The following GRIA4 variants were observed in gnomAD, a reference collection of about 807,000 sequenced individuals.
The protein encoded by GRIA4 is glutamate ionotropic receptor AMPA type subunit 4.
A neutral mutation model predicts 104.0 loss-of-function variants in GRIA4; 34 were observed. The observed-to-expected ratio is 0.33, with a 90% CI of 0.25 to 0.44. The LOEUF is 0.44. Among genes scored for constraint, GRIA4 ranks in the 20% least tolerant of loss-of-function variants. GRIA4 has a pLI of 1.00. For missense variants in GRIA4, 750 were observed against 1,096.5 expected, an observed-to-expected ratio of 0.68 and a Z score of 4.46; for synonymous variants, 386 against 381.9, an observed-to-expected ratio of 1.01 and a Z score of -0.13.
intron 11 of GRIA4, among the ~76,000 whole-genome samples, chr11:105,922,823 T>C (rs560851319): frequency 1.3e-5 from 2 of 152,258 alleles, no homozygotes; most frequent in East Asian, 3.9e-4. Flanking sequence ...GGCTGGGTCA[T>C]ACTAATAAAA....
intron 4 of GRIA4, among the ~76,000 whole-genome samples, chr11:105,823,434 C>T (rs373748863): frequency 6.6e-6 from 1 of 151,702 alleles, no homozygotes; most frequent in Non-Finnish European, 1.5e-5. Flanking sequence ...ATACAGAAAA[C>T]GGGACAAAAC....
At chr11:105,706,584 G>C (rs1393949239) in intron 3 of GRIA4, 1 of 153,814 alleles carries the variant, frequency 6.5e-6, no homozygotes, top group African/African-American at 2.4e-5. Flanking sequence ...TGTTCAAGAT[G>C]TTGCCAATAA....
rs1206118933 is a variant in GRIA4 at position 105,803,861 on chromosome 11, A to AAG, written c.487+50659_487+50660dup. 7.7e-3 allele frequency among the ~76,000 whole-genome samples: 1,137 copies of AAG among 146,942 alleles called. 25 individuals are homozygous for AAG. Among genetic ancestry groups the AAG allele is most frequent in the African/African-American group, 0.025 (984 of 39,142 alleles). Reference sequence around the variant, plus strand: ...TGCTATACCAAAAAAAAAAAAAAAAAAGAGAGAGAGAGAGAGAGAAGAGCC... The same window carrying AAG: ...TGCTATACCAAAAAAAAAAAAAAAAAAGAGAGAGAGAGAGAGAGAGAAGAGCC... On this transcript the variant is annotated intron_variant, in intron 4 of 16. Coordinates refer to ENST00000282499, the MANE Select transcript of GRIA4 (RefSeq NM_000829.4).
intron 3 of GRIA4, among the ~76,000 whole-genome samples, chr11:105,659,450 A>G (rs899337494): frequency 6.6e-6 from 1 of 151,936 alleles, no homozygotes; most frequent in Non-Finnish European, 1.5e-5. Flanking sequence ...GAATTGCCAC[A>G]GTTATTTGTG....
At chr11:105,624,757 A>C (rs994194123) in intron 3 of GRIA4, among the ~76,000 whole-genome samples, 3 of 151,960 alleles carry the variant, frequency 2.0e-5, no homozygotes, top group Non-Finnish European at 4.4e-5. Flanking sequence ...TCTTAATGGG[A>C]AGTCTGTTAA....
intron 4 of GRIA4, among the ~76,000 whole-genome samples, chr11:105,780,134 G>A (rs562122747): frequency 6.6e-5 from 10 of 152,098 alleles, no homozygotes; most frequent in African/African-American, 1.7e-4. Context: ...CCCTATTTTC[G>A]TTACCTAATG....
intron 4 of GRIA4, among the ~76,000 whole-genome samples, chr11:105,854,617 G>A (rs77520517): frequency 0.012 from 1,881 of 152,238 alleles, 24 homozygotes; most frequent in Middle Eastern, 0.031. Flanking sequence ...AAGAGGCTTG[G>A]GCCTGGGTGG....
chr11:105,617,981 G>T lies in GRIA4; in HGVS notation c.247+5547G>T, dbSNP rs115358758. Among the ~76,000 whole-genome samples the T allele has an allele frequency of 2.6e-3, 396 of 152,066 alleles. 1 individual carries two copies. The highest frequency in any genetic ancestry group is 9.1e-3 in the African/African-American group (377 of 41,494). On this transcript the variant is annotated intron_variant, in intron 3 of 16. Coordinates refer to ENST00000282499, the MANE Select transcript of GRIA4 (RefSeq NM_000829.4). ...GGCATGGCATCCTAAGGATGATATT[G>T]CCTGATCTGGGTGTTAAGATCTAGT... is the stretch of plus-strand genomic sequence containing the variant.
At chr11:105,817,756 CTAAT>C (rs1487209698) in intron 4 of GRIA4, among the ~76,000 whole-genome samples, 1 of 152,016 alleles carries the variant, frequency 6.6e-6, no homozygotes, top group Non-Finnish European at 1.5e-5. Context: ...CTTGTGCCTT[CTAAT>C]TAATCTTACA....
chr11:105,759,217 A>C (rs1001179245), intron 4 of GRIA4, among the ~76,000 whole-genome samples: 1 of 152,130 alleles, frequency 6.6e-6, no homozygotes, highest in Non-Finnish European at 1.5e-5. Context: ...CTTAAACTCT[A>C]ATAAATATTT....
intron 4 of GRIA4, among the ~76,000 whole-genome samples, chr11:105,783,431 A>T (rs1565232673): frequency 6.6e-6 from 1 of 152,196 alleles, no homozygotes; most frequent in Non-Finnish European, 1.5e-5. Flanking sequence ...CCAATTGCAC[A>T]CAGATAGATC....
At chr11:105,699,448 C>T (rs754072518) in intron 3 of GRIA4, among the ~76,000 whole-genome samples, 22 of 152,256 alleles carry the variant, frequency 1.4e-4, no homozygotes, top group South Asian at 2.1e-4. Flanking sequence ...CATCTGGAGA[C>T]GGCTGCAACA....
rs139519973 is a variant in GRIA4, at chr11:105,979,667, A to G, written c.2637A>G (p.Pro879=). 27 of 1,613,554 alleles carry G rather than the reference A, an allele frequency of 1.7e-5. No homozygotes were observed. Among genetic ancestry groups the G allele is most frequent in the African/African-American group, 1.6e-4 (12 of 74,932 alleles). ...ENGRVLTPDC[P]KAVHTGTAIR... The stretch of plus-strand genomic sequence containing the variant: ...GCCGCGTCTTGACGCCTGACTGCCC[A>G]AAGGCTGTACACACTGGAACTGCAA... Residue 879 remains proline (P), a synonymous_variant, in exon 17 of 17, where the codon CCA becomes CCG. Coordinates refer to ENST00000282499, the MANE Select transcript of GRIA4 (RefSeq NM_000829.4).
intron 5 of GRIA4, among the ~76,000 whole-genome samples, chr11:105,872,353 T>C (rs953481702): frequency 6.6e-6 from 1 of 152,030 alleles, no homozygotes; most frequent in East Asian, 1.9e-4. Context: ...GGGGCTAGGG[T>C]GAGAACATCA....
At chr11:105,900,900 A>G (rs1946831103) in intron 7 of GRIA4, among the ~76,000 whole-genome samples, 1 of 152,206 alleles carries the variant, frequency 6.6e-6, no homozygotes, top group Admixed American at 6.5e-5. Flanking sequence ...TTGATACCAC[A>G]GCAGGGTGAT....
At chr11:105,788,722 A>G (rs1942083631) in intron 4 of GRIA4, among the ~76,000 whole-genome samples, 2 of 152,132 alleles carry the variant, frequency 1.3e-5, no homozygotes, top group Non-Finnish European at 2.9e-5. Context: ...GATGGAAACA[A>G]CAGACACTGG....
At chr11:105,937,366 A>G (rs1379362219) in intron 14 of GRIA4, among the ~76,000 whole-genome samples, 1 of 152,190 alleles carries the variant, frequency 6.6e-6, no homozygotes, top group Non-Finnish European at 1.5e-5. Flanking sequence ...TCAAAATACT[A>G]TCAACTTTGC....
chr11:105,805,886 G>C (rs542178196), intron 4 of GRIA4, among the ~76,000 whole-genome samples: 12 of 151,912 alleles, frequency 7.9e-5, no homozygotes, highest in African/African-American at 2.9e-4. Flanking sequence ...GGCCTAACTG[G>C]AAACGAAGGG....
At chr11:105,721,524 ATATTC>A in intron 3 of GRIA4, among the ~76,000 whole-genome samples, 2 of 152,184 alleles carry the variant, frequency 1.3e-5, no homozygotes, top group African/African-American at 4.8e-5. Flanking sequence ...ATACTAAAGG[ATATTC>A]TATAATTGGA....
Sources: allele counts gnomAD v4.1 joint callset (sites outside exome capture counted in the v4.1 genomes callset), GRCh38; gene constraint gnomAD v4.1.1; transcripts MANE v1.5; gene names NCBI Gene and HGNC (gene_info 2026-07-23, HGNC 2026-07-21).